Variants in MTX2 observed in about 807,000 individuals in gnomAD.
MTX2 encodes the protein metaxin 2.
MTX2 carries 35 observed loss-of-function variants against 42.3 expected under a neutral mutation model. The observed-to-expected ratio is 0.83, with a 90% CI of 0.63 to 1.10. The LOEUF (loss-of-function observed/expected upper bound fraction) is 1.10, where lower values mean the gene tolerates loss of function less well. Ranked by LOEUF, MTX2 falls within the 50% of genes least tolerant of loss-of-function variation. MTX2 has a pLI of 0.00. For synonymous variants in MTX2, 119 were observed against 100.9 expected (o/e 1.18, Z -1.08); for missense variants, 307 against 304.1 (o/e 1.01, Z -0.07).
chr2:176,311,202 C>T (rs1038454354), intron 3 of MTX2, among the ~76,000 whole-genome samples: 1 of 152,094 alleles, frequency 6.6e-6, no homozygotes, highest in East Asian at 1.9e-4. Flanking sequence ...CACTCCAGAC[C>T]CTGTTTGCCT....
At chr2:176,296,213 T>A (rs752987407) in intron 1 of MTX2, among the ~76,000 whole-genome samples, 5 of 152,194 alleles carry the variant, frequency 3.3e-5, no homozygotes, top group Non-Finnish European at 7.4e-5. Context: ...ACTGGCATTA[T>A]TTCACATTGT....
chr2:176,316,603 G>A (rs1012684678), intron 3 of MTX2, among the ~76,000 whole-genome samples: 5 of 151,876 alleles, frequency 3.3e-5, no homozygotes, highest in Admixed American at 6.6e-5. Context: ...GGATTTTGCC[G>A]TGTTGCCCAG....
chr2:176,276,343 A>G (rs929884645), intron 1 of MTX2, among the ~76,000 whole-genome samples: 6 of 152,206 alleles, frequency 3.9e-5, no homozygotes, highest in Admixed American at 3.3e-4. Flanking sequence ...TAGAATTGCC[A>G]TAGCTGGTTA....
At chr2:176,309,402 T>C (rs1400635082) in intron 3 of MTX2, among the ~76,000 whole-genome samples, 1 of 152,234 alleles carries the variant, frequency 6.6e-6, no homozygotes, top group Non-Finnish European at 1.5e-5. Context: ...TAGGTGTCTA[T>C]TAGGTCTGCT....
rs1414096035 is a variant in MTX2, at chr2:176,269,448, A to C, written c.-182A>C. The C allele has an allele frequency of 1.1e-5, 7 of 628,764 alleles. No homozygotes were observed. Among genetic ancestry groups the C allele is most frequent in the Non-Finnish European group, 1.8e-5 (7 of 396,004 alleles). The allele number at this position is 628,764 out of a possible 1,614,324, so 38.9% of individuals were successfully genotyped here. ...GTTGTCGGCTGCGCCGGAAGTCCCT[A>C]GCCAGGCCTGGCGGTAACCTTGGGG... On this transcript the variant is annotated 5_prime_UTR_variant, in exon 1 of 10. Transcript: ENST00000249442.
chr2:176,283,078 G>T (rs1383689435), intron 1 of MTX2, among the ~76,000 whole-genome samples: 1 of 152,130 alleles, frequency 6.6e-6, no homozygotes, highest in African/African-American at 2.4e-5. Flanking sequence ...ATTGAGACAA[G>T]AATAGGTTAA....
chr2:176,296,858 A>T lies in MTX2; in HGVS notation c.41-2A>T, dbSNP rs1683898498. Reference sequence around the variant, plus strand: ...CTAATTATCACTGCCTTGTTTCCATAGCTGCAGAACCTTGGCCTGAAAATG... The same window carrying T: ...CTAATTATCACTGCCTTGTTTCCATTGCTGCAGAACCTTGGCCTGAAAATG... On this transcript the variant is annotated splice_acceptor_variant, in intron 1 of 9. Coordinates refer to ENST00000249442, the MANE Select transcript of MTX2 (RefSeq NM_006554.5). LOFTEE classifies it high-confidence loss of function. 1.9e-6 allele frequency: 3 copies of T among 1,613,306 alleles called. No individual in the cohort carries two copies. The highest frequency in any genetic ancestry group is 2.5e-6 in the Non-Finnish European group (3 of 1,179,568).
Position 176,273,727 on chromosome 2 carries a change from T to C in MTX2, c.40+4058T>C, listed in dbSNP as rs73036822. Among the ~76,000 whole-genome samples the C allele has an allele frequency of 7.2e-3, 1,098 of 152,270 alleles. 14 individuals carry two copies. Among genetic ancestry groups the C allele is most frequent in the African/African-American group, 0.026 (1,060 of 41,558 alleles). On this transcript the variant is annotated intron_variant, in intron 1 of 9. Coordinates refer to ENST00000249442, the MANE Select transcript of MTX2 (RefSeq NM_006554.5). The stretch of plus-strand genomic sequence containing the variant: ...ACTTTTCTCAGTTATCGTTCCTAAA[T>C]AGGACTTATTCTGTCCATTTCTACT...
chr2:176,279,908 T>C (rs565856264), intron 1 of MTX2, among the ~76,000 whole-genome samples: 1 of 152,228 alleles, frequency 6.6e-6, no homozygotes, highest in Non-Finnish European at 1.5e-5. Context: ...GAGTGCAGAT[T>C]ATAGACAAAT....
intron 3 of MTX2, among the ~76,000 whole-genome samples, chr2:176,298,911 T>C (rs1011649478): frequency 6.6e-6 from 1 of 152,116 alleles, no homozygotes; most frequent in Non-Finnish European, 1.5e-5. Flanking sequence ...ACAGAAAATA[T>C]AGCCAGGCTA....
At chr2:176,281,921 A>G (rs1027202809) in intron 1 of MTX2, among the ~76,000 whole-genome samples, 2 of 152,144 alleles carry the variant, frequency 1.3e-5, no homozygotes, top group African/African-American at 2.4e-5. Context: ...GGCCTATCAT[A>G]TGGAAAGATT....
intron 3 of MTX2, among the ~76,000 whole-genome samples, chr2:176,323,188 T>G (rs1239610574): frequency 6.6e-6 from 1 of 151,934 alleles, no homozygotes. Context: ...ATGTATTTAC[T>G]GATGTCTAAA....
At chr2:176,318,975 C>A (rs1684510209) in intron 3 of MTX2, among the ~76,000 whole-genome samples, 1 of 152,154 alleles carries the variant, frequency 6.6e-6, no homozygotes, top group African/African-American at 2.4e-5. Context: ...TAAGGAGCCA[C>A]ATGTGACTAG....
chr2:176,298,947 A>C (rs902510389), intron 3 of MTX2, among the ~76,000 whole-genome samples: 5 of 152,116 alleles, frequency 3.3e-5, no homozygotes, highest in African/African-American at 1.2e-4. Context: ...CAGTAGGTTT[A>C]CTGATTTCCC....
rs536222339 is a variant in MTX2, at chr2:176,270,045, T to C, written c.40+376T>C. ...AAGAGTGGTGGCAGTTTCTGGGTCT[T>C]GGTACTCAAAAAGTTTAAGGTGACT... On this transcript the variant is annotated intron_variant, in intron 1 of 9. Transcript: ENST00000249442. Among the ~76,000 whole-genome samples the C allele has an allele frequency of 3.0e-4, 45 of 152,288 alleles. 3 individuals are homozygous for C. The South Asian group carries it at 9.3e-3, about 32-fold the overall frequency.
At chr2:176,313,181 A>T (rs1684356744) in intron 3 of MTX2, among the ~76,000 whole-genome samples, 1 of 151,916 alleles carries the variant, frequency 6.6e-6, no homozygotes. Context: ...ATAATACCTA[A>T]TATTTTTTGA....
At chr2:176,311,428 C>T (rs1684303160) in intron 3 of MTX2, among the ~76,000 whole-genome samples, 2 of 152,226 alleles carry the variant, frequency 1.3e-5, no homozygotes, top group African/African-American at 4.8e-5. Context: ...AACCACTGTT[C>T]TCTTCAGAGC....
intron 1 of MTX2, among the ~76,000 whole-genome samples, chr2:176,271,526 A>T (rs1279220652): frequency 6.6e-6 from 1 of 152,190 alleles, no homozygotes; most frequent in Admixed American, 6.5e-5. Context: ...TGAAATATAG[A>T]TGGACAGTGA....
At chr2:176,290,579 C>A (rs1000631080) in intron 1 of MTX2, among the ~76,000 whole-genome samples, 1 of 151,998 alleles carries the variant, frequency 6.6e-6, no homozygotes, top group Non-Finnish European at 1.5e-5. Context: ...TTTTCCCAAA[C>A]CAAGAGATCA....
Sources: allele counts gnomAD v4.1 joint callset (sites outside exome capture counted in the v4.1 genomes callset), GRCh38; gene constraint gnomAD v4.1.1; transcripts MANE v1.5; gene names NCBI Gene and HGNC (gene_info 2026-07-23, HGNC 2026-07-21).